The following SUCLG2 variants were observed in gnomAD, a reference collection of about 807,000 sequenced individuals.
The protein encoded by SUCLG2 is succinate-CoA ligase GDP-forming subunit beta.
A neutral mutation model predicts 47.9 loss-of-function variants in SUCLG2; 42 were observed. The observed-to-expected ratio is 0.88, with a 90% CI of 0.69 to 1.14. The LOEUF (loss-of-function observed/expected upper bound fraction) is 1.14. Ranked by LOEUF, SUCLG2 falls within the 50% of genes most tolerant of loss-of-function variation. The pLI, the probability that SUCLG2 is intolerant of heterozygous loss-of-function variation, is 0.00. For missense variants in SUCLG2, 571 were observed against 525.9 expected, an observed-to-expected ratio of 1.09 and a Z score of -0.84; for synonymous variants, 195 against 197.3, an observed-to-expected ratio of 0.99 and a Z score of 0.10.
At chr3:67,487,337 T>C (rs544903535) in intron 9 of SUCLG2, among the ~76,000 whole-genome samples, 1 of 152,132 alleles carries the variant, frequency 6.6e-6, no homozygotes, top group African/African-American at 2.4e-5. Context: ...CATGAGGTGA[T>C]CTCAATATAC....
intron 1 of SUCLG2, among the ~76,000 whole-genome samples, chr3:67,623,047 A>T (rs909458627): frequency 2.0e-5 from 3 of 152,182 alleles, no homozygotes; most frequent in Non-Finnish European, 4.4e-5. Context: ...GTTTCCTGAA[A>T]ATTAAGTCAC....
At chr3:67,584,918 C>T (rs1325372181) in intron 2 of SUCLG2, among the ~76,000 whole-genome samples, 10 of 152,028 alleles carry the variant, frequency 6.6e-5, no homozygotes, top group African/African-American at 9.7e-5. Context: ...TACCTCCCAC[C>T]GGGTCCCTCC....
intron 2 of SUCLG2, among the ~76,000 whole-genome samples, chr3:67,562,326 G>A (rs1707328717): frequency 6.6e-6 from 1 of 151,752 alleles, no homozygotes; most frequent in Non-Finnish European, 1.5e-5. Flanking sequence ...CACCAAGGCT[G>A]GAGTGCAGCA....
In SUCLG2 at chr3:67,568,372, A is replaced by G. The variant is rs529580326; in HGVS notation, c.227-39186T>C. Among the ~76,000 whole-genome samples the G allele has an allele frequency of 1.2e-4, 19 of 152,340 alleles. No individual in the cohort carries two copies. The East Asian group carries it at 3.7e-3, about 29-fold the overall frequency. ...GATAAAAATAAATAAAAGACTAAAA[A>G]GTAATATGATTCTTTGATCCTATGT... On this transcript the variant is annotated intron_variant, in intron 2 of 10. Coordinates refer to ENST00000307227, the MANE Select transcript of SUCLG2 (RefSeq NM_003848.4).
At chr3:67,408,878 T>G (rs532020678) in intron 9 of SUCLG2, 326 of 1,469,108 alleles carry the variant, frequency 2.2e-4, no homozygotes, top group Admixed American at 4.2e-4. Flanking sequence ...AAAGTCCATG[T>G]TCGTTCCACT....
rs1165659347 is a variant in SUCLG2 at position 67,434,283 on chromosome 3, C to T, written c.1063-33432G>A. Among the ~76,000 whole-genome samples the T allele has an allele frequency of 4.6e-5, 7 of 152,284 alleles. No homozygotes were observed. In the East Asian group the frequency reaches 7.7e-4, roughly 17 times the overall value. On this transcript the variant is annotated intron_variant, in intron 9 of 10. Coordinates refer to ENST00000307227, the MANE Select transcript of SUCLG2 (RefSeq NM_003848.4). ...GCTCACGTCCGTTATCCCAGCACTTCGTGAGGCCAAGGCGAGAGGATCTCT... is the reference window on the plus strand; with the variant it reads ...GCTCACGTCCGTTATCCCAGCACTTTGTGAGGCCAAGGCGAGAGGATCTCT...
At chr3:67,541,877 T>C (rs1297540607) in intron 2 of SUCLG2, among the ~76,000 whole-genome samples, 2 of 152,142 alleles carry the variant, frequency 1.3e-5, no homozygotes, top group South Asian at 4.2e-4. Context: ...TTTTTCTTTT[T>C]TTTTTTTTGA....
chr3:67,563,858 G>A (rs571183762), intron 2 of SUCLG2, among the ~76,000 whole-genome samples: 1 of 151,624 alleles, frequency 6.6e-6, no homozygotes, highest in African/African-American at 2.4e-5. Flanking sequence ...CTACTCAGGA[G>A]GCTGAGGCAG....
At chr3:67,396,956 T>C (rs536549417) in intron 10 of SUCLG2, among the ~76,000 whole-genome samples, 3 of 152,074 alleles carry the variant, frequency 2.0e-5, no homozygotes, top group Admixed American at 6.6e-5. Context: ...GAAAAGGCCT[T>C]TGACAAAATT....
chr3:67,402,526 C>G (rs1702709137), intron 9 of SUCLG2, among the ~76,000 whole-genome samples: 1 of 152,206 alleles, frequency 6.6e-6, no homozygotes, highest in Non-Finnish European at 1.5e-5. Context: ...AGCTTGCTTT[C>G]TAATGACAGC....
At chr3:67,480,091 G>A (rs1287526307) in intron 9 of SUCLG2, among the ~76,000 whole-genome samples, 1 of 152,062 alleles carries the variant, frequency 6.6e-6, no homozygotes, top group Admixed American at 6.5e-5. Flanking sequence ...ACAGAGGTGA[G>A]CTCTGGGCCA....
chr3:67,383,061 G>A (rs1330145979), intron 10 of SUCLG2, among the ~76,000 whole-genome samples: 1 of 152,168 alleles, frequency 6.6e-6, no homozygotes, highest in Non-Finnish European at 1.5e-5. Flanking sequence ...GAGAATCAGA[G>A]GCAAAACTTC....
chr3:67,363,230 C>T (rs1559632167), intron 10 of SUCLG2, among the ~76,000 whole-genome samples: 2 of 152,168 alleles, frequency 1.3e-5, no homozygotes, highest in Admixed American at 6.5e-5. Flanking sequence ...GCTCACTCTT[C>T]TCAAAGGGTC....
intron 2 of SUCLG2, among the ~76,000 whole-genome samples, chr3:67,602,501 G>A (rs565246734): frequency 1.3e-5 from 2 of 152,018 alleles, no homozygotes; most frequent in Non-Finnish European, 2.9e-5. Flanking sequence ...AGATATTCTA[G>A]CACAGAGAAA....
At chr3:67,504,150 A>T (rs1338434283) in intron 7 of SUCLG2, among the ~76,000 whole-genome samples, 1 of 152,168 alleles carries the variant, frequency 6.6e-6, no homozygotes, top group African/African-American at 2.4e-5. Flanking sequence ...GATACTTTCA[A>T]ATTAGTCCCA....
Position 67,565,240 on chromosome 3 carries a change from T to A in SUCLG2, c.227-36054A>T, listed in dbSNP as rs192146665. ...GAAAGGTCATTCCACACAAATAATT[T>A]CATAAACTATTTGATTTAGTCACAT... On this transcript the variant is annotated intron_variant, in intron 2 of 10. Transcript: ENST00000307227. Among the ~76,000 whole-genome samples, 6 of 152,324 alleles carry A rather than the reference T, an allele frequency of 3.9e-5. No homozygotes were observed. In the East Asian group the frequency reaches 1.2e-3, roughly 29 times the overall value.
intron 2 of SUCLG2, among the ~76,000 whole-genome samples, chr3:67,584,997 T>G (rs953613511): frequency 1.3e-5 from 2 of 152,202 alleles, no homozygotes; most frequent in African/African-American, 4.8e-5. Flanking sequence ...AGCCAAACCA[T>G]ATCCTATGGA....
At chr3:67,407,127 A>C (rs1702831068) in intron 9 of SUCLG2, among the ~76,000 whole-genome samples, 1 of 152,198 alleles carries the variant, frequency 6.6e-6, no homozygotes, top group Non-Finnish European at 1.5e-5. Context: ...TCATAGACAA[A>C]CAATATATAA....
At chr3:67,568,091 A>C (rs1707510285) in intron 2 of SUCLG2, among the ~76,000 whole-genome samples, 1 of 152,240 alleles carries the variant, frequency 6.6e-6, no homozygotes, top group South Asian at 2.1e-4. Flanking sequence ...GAGAGAGACC[A>C]GGACAGCAAA....
Sources: gnomAD v4.1 joint callset for allele counts (sites outside exome capture counted in the v4.1 genomes callset) on GRCh38, gnomAD v4.1.1 for gene constraint, MANE v1.5 for transcripts, NCBI Gene and HGNC (gene_info 2026-07-23, HGNC 2026-07-21) for gene names.